DIAPH3: variants seen among roughly 807,000 people sequenced by gnomAD.
DIAPH3 encodes the protein protein diaphanous homolog 3.
In DIAPH3, 117 loss-of-function variants were observed where a neutral mutation model predicts 144.3. That is an observed-to-expected ratio of 0.81 (90% CI 0.70 to 0.95). DIAPH3 has a LOEUF of 0.95. Among genes scored for constraint, DIAPH3 ranks in the 40% least tolerant of loss-of-function variants. The probability of loss-of-function intolerance (pLI) is 0.00; values close to 1 mark genes in which losing one functional copy is unlikely to be tolerated. For missense variants in DIAPH3, 1,421 were observed against 1,412.7 expected (o/e 1.01, Z -0.09); for synonymous variants, 519 against 488.9 (o/e 1.06, Z -0.81).
chr13:60,094,713 T>C (rs1294299455), intron 3 of DIAPH3, among the ~76,000 whole-genome samples: 2 of 152,228 alleles, frequency 1.3e-5, no homozygotes, highest in Non-Finnish European at 2.9e-5. Flanking sequence ...GGGTGCTACA[T>C]TCATCAAACG....
At chr13:59,712,993 C>T (rs552388590) in intron 27 of DIAPH3, among the ~76,000 whole-genome samples, 12 of 152,198 alleles carry the variant, frequency 7.9e-5, no homozygotes, top group South Asian at 4.1e-4. Context: ...CAATAGAGTT[C>T]GTGCTCCTAT....
intron 20 of DIAPH3, among the ~76,000 whole-genome samples, chr13:59,897,891 G>A (rs2046210739): frequency 6.6e-6 from 1 of 151,702 alleles, no homozygotes; most frequent in Admixed American, 6.6e-5. Context: ...CAGCACTTTG[G>A]GAAACCGAGG....
At chr13:60,144,894 C>T (rs1951431612) in intron 1 of DIAPH3, 1 of 152,192 alleles carries the variant, frequency 6.6e-6, no homozygotes, top group Admixed American at 6.5e-5. Context: ...TACAATTCCT[C>T]CTTTCAGGAT....
At chr13:60,149,837 C>A (rs1348835152) in intron 1 of DIAPH3, among the ~76,000 whole-genome samples, 3 of 150,774 alleles carry the variant, frequency 2.0e-5, no homozygotes, top group African/African-American at 7.3e-5. Context: ...GAGTAGCCAT[C>A]TTTTGTTTCT....
intron 2 of DIAPH3, among the ~76,000 whole-genome samples, chr13:60,116,393 C>T (rs1470227932): frequency 6.6e-6 from 1 of 151,936 alleles, no homozygotes; most frequent in Non-Finnish European, 1.5e-5. Flanking sequence ...AGTTACTATC[C>T]CTATGTACAT....
chr13:60,136,139 AG>A (rs2138262456), intron 1 of DIAPH3, among the ~76,000 whole-genome samples: 1 of 152,328 alleles, frequency 6.6e-6, no homozygotes, highest in South Asian at 2.1e-4. Context: ...ATGGGGTTTT[AG>A]CCTTACTTTT....
intron 2 of DIAPH3, among the ~76,000 whole-genome samples, chr13:60,122,504 A>G (rs951642779): frequency 6.6e-6 from 1 of 152,210 alleles, no homozygotes; most frequent in Non-Finnish European, 1.5e-5. Flanking sequence ...AACTTACCAC[A>G]GTTCTAAACA....
chr13:59,904,669 T>C (rs1340002134), intron 20 of DIAPH3, among the ~76,000 whole-genome samples: 1 of 152,204 alleles, frequency 6.6e-6, no homozygotes, highest in Non-Finnish European at 1.5e-5. Flanking sequence ...ATCTCTATCG[T>C]TAAGTGAGTT....
At chr13:59,761,869 A>G (rs1241303742) in intron 27 of DIAPH3, among the ~76,000 whole-genome samples, 1 of 152,042 alleles carries the variant, frequency 6.6e-6, no homozygotes, top group African/African-American at 2.4e-5. Flanking sequence ...TAAATGAAAG[A>G]AGAGATTTCG....
rs2053186352 is a variant in DIAPH3 at position 60,010,678 on chromosome 13, T to A, written c.772-9A>T. The A allele has an allele frequency of 6.2e-7, 1 of 1,612,734 alleles. No homozygotes were observed. The highest frequency in any genetic ancestry group is 1.1e-5 in the South Asian group (1 of 90,838). On this transcript the variant is annotated splice_polypyrimidine_tract_variant and intron_variant, in intron 7 of 27. Coordinates refer to ENST00000400324, the MANE Select transcript of DIAPH3 (RefSeq NM_001042517.2). The stretch of plus-strand genomic sequence containing the variant: ...ATTCTTTCCAAGCCATACTATAATA[T>A]TTTGAAAATAAGAGGTCAAATGTTA...
chr13:59,761,670 T>C (rs1319855280), intron 27 of DIAPH3, among the ~76,000 whole-genome samples: 1 of 152,172 alleles, frequency 6.6e-6, no homozygotes, highest in African/African-American at 2.4e-5. Flanking sequence ...ATCATCCCTA[T>C]CACTCCTTAG....
intron 5 of DIAPH3, among the ~76,000 whole-genome samples, chr13:60,039,744 CAAT>C (rs2055495653): frequency 6.6e-6 from 1 of 152,126 alleles, no homozygotes; most frequent in East Asian, 1.9e-4. Context: ...ACAGGTCTAA[CAAT>C]GATCTCAAAC....
chr13:59,990,461 G>T (rs2051737995), intron 12 of DIAPH3, among the ~76,000 whole-genome samples: 1 of 151,842 alleles, frequency 6.6e-6, no homozygotes, highest in South Asian at 2.1e-4. Flanking sequence ...TATATTCAAA[G>T]AGCTCAGCTT....
intron 17 of DIAPH3, among the ~76,000 whole-genome samples, chr13:59,955,675 T>A (rs1362517753): frequency 6.6e-6 from 1 of 151,878 alleles, no homozygotes; most frequent in Non-Finnish European, 1.5e-5. Flanking sequence ...GACAGAAAAA[T>A]GTGGGAAAGT....
At position 59,746,871 on chromosome 13, in the gene DIAPH3, CTCA is replaced by C. The variant is rs2036731701; in HGVS notation, c.3319+27315_3319+27317del. On this transcript the variant is annotated intron_variant, in intron 27 of 27. Coordinates refer to ENST00000400324, the MANE Select transcript of DIAPH3 (RefSeq NM_001042517.2). ...TAAATAGTGATAGTTTCTGGCTTGA[CTCA>C]TCATTTTCCTACAATGACTGACAAA... 2.0e-5 allele frequency among the ~76,000 whole-genome samples: 3 copies of C among 152,254 alleles called. No individual in the cohort carries two copies. The East Asian group carries it at 5.8e-4, about 29-fold the overall frequency.
intron 23 of DIAPH3, among the ~76,000 whole-genome samples, chr13:59,833,549 TATA>T (rs2041893837): frequency 1.3e-5 from 2 of 151,824 alleles, no homozygotes; most frequent in African/African-American, 4.8e-5. Context: ...TCCAACTTAC[TATA>T]ATAATATAAT....
chr13:59,756,377 TC>T (rs780946251), intron 27 of DIAPH3, among the ~76,000 whole-genome samples: 4 of 150,466 alleles, frequency 2.7e-5, no homozygotes, highest in Non-Finnish European at 5.9e-5. Context: ...AAATACCTTT[TC>T]TTAAATAGAT....
intron 27 of DIAPH3, among the ~76,000 whole-genome samples, chr13:59,682,625 A>C (rs9528026): frequency 0.96 from 146,850 of 152,304 alleles, 71,034 homozygotes; most frequent in East Asian, 1. Context: ...ACTTATGCAG[A>C]AAACTCTATA....
intron 3 of DIAPH3, among the ~76,000 whole-genome samples, chr13:60,110,634 G>A (rs1280464697): frequency 6.6e-6 from 1 of 152,060 alleles, no homozygotes; most frequent in East Asian, 1.9e-4. Flanking sequence ...TTTAAAAAGG[G>A]CTTAGTTGTA....
Sources: gnomAD v4.1 joint callset for allele counts (sites outside exome capture counted in the v4.1 genomes callset) on GRCh38, gnomAD v4.1.1 for gene constraint, MANE v1.5 for transcripts, NCBI Gene and HGNC (gene_info 2026-07-23, HGNC 2026-07-21) for gene names.